MMP16: variants seen among roughly 807,000 people sequenced by gnomAD.
MMP16 encodes matrix metalloproteinase-16.
A neutral mutation model predicts 67.8 loss-of-function variants in MMP16; 12 were observed. The observed-to-expected ratio is 0.18, with a 90% confidence interval of 0.11 to 0.29. MMP16 has a LOEUF of 0.29. Ranked by LOEUF, MMP16 falls within the 10% of genes least tolerant of loss-of-function variation. The probability of loss-of-function intolerance (pLI) is 1.00; values close to 1 mark genes in which losing one functional copy is unlikely to be tolerated. For synonymous variants in MMP16, 249 were observed against 255.9 expected, an observed-to-expected ratio of 0.97 and a Z score of 0.26; for missense variants, 475 against 765.7, an observed-to-expected ratio of 0.62 and a Z score of 4.48.
chr8:88,288,745 G>A (rs904964229), intron 1 of MMP16, among the ~76,000 whole-genome samples: 5 of 152,146 alleles, frequency 3.3e-5, no homozygotes, highest in African/African-American at 9.7e-5. Context: ...TGTTTATTGT[G>A]TATCAAGATT....
At chr8:88,084,569 A>G (rs906607220) in intron 6 of MMP16, among the ~76,000 whole-genome samples, 3 of 152,056 alleles carry the variant, frequency 2.0e-5, no homozygotes, top group Non-Finnish European at 4.4e-5. Context: ...CCGTATTTAA[A>G]GATGAAATTT....
At chr8:88,322,589 G>GAA (rs892404131) in intron 1 of MMP16, among the ~76,000 whole-genome samples, 2 of 151,954 alleles carry the variant, frequency 1.3e-5, no homozygotes, top group Non-Finnish European at 2.9e-5. Flanking sequence ...AGCACTTTGG[G>GAA]AGGTCAAGGA....
At chr8:88,153,482 G>C (rs1459655322) in intron 4 of MMP16, among the ~76,000 whole-genome samples, 1 of 151,994 alleles carries the variant, frequency 6.6e-6, no homozygotes, top group Non-Finnish European at 1.5e-5. Flanking sequence ...AAGGCTACAG[G>C]AACCAAAACA....
At chr8:88,157,574 G>C (rs1457267086) in intron 4 of MMP16, among the ~76,000 whole-genome samples, 1 of 151,934 alleles carries the variant, frequency 6.6e-6, no homozygotes, top group Non-Finnish European at 1.5e-5. Flanking sequence ...GTCTCTGATA[G>C]AGTGTTTAGA....
In MMP16 at chr8:88,197,272, G is replaced by A. The variant is rs1809271383; in HGVS notation, c.167C>T (p.Thr56Ile). 3 of 1,587,190 alleles carry A rather than the reference G, an allele frequency of 1.9e-6. No individual in the cohort carries two copies. The highest frequency in any genetic ancestry group is 2.6e-6 in the Non-Finnish European group (3 of 1,167,404). Residue 56 changes from threonine (T) to isoleucine (I), a missense_variant, in exon 2 of 10, where the codon ACT (threonine) becomes ATT (isoleucine). Physicochemically the swap from Thr to Ile is moderately conservative, Grantham distance 89. Coordinates refer to ENST00000286614, the MANE Select transcript of MMP16 (RefSeq NM_005941.5). Reference sequence around the variant, plus strand: ...GCGCAGCACTGACATTCTGGGGTCAGTCGGTGGAAGGTAGCCGTACTTTTG... The same window carrying A: ...GCGCAGCACTGACATTCTGGGGTCAATCGGTGGAAGGTAGCCGTACTTTTG... Reference protein sequence around the residue: ...WLQKYGYLPPTDPRMSVLRSA... With the variant: ...WLQKYGYLPPIDPRMSVLRSA...
intron 6 of MMP16, among the ~76,000 whole-genome samples, chr8:88,077,767 T>A (rs1351855477): frequency 1.3e-5 from 2 of 152,176 alleles, no homozygotes; most frequent in African/African-American, 4.8e-5. Flanking sequence ...GTAGTTAAGA[T>A]GTTTTCTTAC....
At chr8:88,085,464 C>T (rs943341921) in intron 6 of MMP16, among the ~76,000 whole-genome samples, 1 of 151,988 alleles carries the variant, frequency 6.6e-6, no homozygotes, top group African/African-American at 2.4e-5. Flanking sequence ...CAGGGCTCAT[C>T]ACTTAAGATT....
At chr8:88,325,609 T>C (rs978091502) in intron 1 of MMP16, among the ~76,000 whole-genome samples, 1 of 152,190 alleles carries the variant, frequency 6.6e-6, no homozygotes, top group African/African-American at 2.4e-5. Context: ...CAAAAATCCA[T>C]CTGTGGCACG....
chr8:88,131,119 A>C (rs1808021165), intron 4 of MMP16, among the ~76,000 whole-genome samples: 1 of 151,732 alleles, frequency 6.6e-6, no homozygotes, highest in Non-Finnish European at 1.5e-5. Context: ...TTTAAGGTAG[A>C]CGTAATCACC....
intron 4 of MMP16, among the ~76,000 whole-genome samples, chr8:88,148,543 C>T (rs542515350): frequency 9.2e-5 from 14 of 152,262 alleles, no homozygotes; most frequent in African/African-American, 3.1e-4. Flanking sequence ...TATTTTAACG[C>T]GGGAGCTTCA....
chr8:88,099,763 T>C (rs10504850), intron 6 of MMP16, among the ~76,000 whole-genome samples: 31,970 of 151,794 alleles, frequency 0.21, 3,562 homozygotes, highest in Middle Eastern at 0.26. Flanking sequence ...AGAAAAGCAT[T>C]TCCCGATTTT....
intron 6 of MMP16, among the ~76,000 whole-genome samples, chr8:88,111,207 G>T (rs1436806376): frequency 2.0e-5 from 3 of 151,694 alleles, no homozygotes; most frequent in African/African-American, 4.8e-5. Context: ...AAGGGTAAGA[G>T]AAAAATCCAT....
intron 8 of MMP16, among the ~76,000 whole-genome samples, chr8:88,051,484 C>T (rs1254944640): frequency 6.6e-6 from 1 of 152,104 alleles, no homozygotes; most frequent in Non-Finnish European, 1.5e-5. Context: ...AAAATTTTGA[C>T]TTTAATCAGA....
chr8:88,161,858 A>G (rs1451215350), intron 4 of MMP16, among the ~76,000 whole-genome samples: 1 of 151,724 alleles, frequency 6.6e-6, no homozygotes, highest in Non-Finnish European at 1.5e-5. Flanking sequence ...CAGGCAGTTG[A>G]GTGGTTCTGA....
intron 2 of MMP16, among the ~76,000 whole-genome samples, chr8:88,193,884 T>G (rs1809209754): frequency 6.6e-6 from 1 of 151,940 alleles, no homozygotes; most frequent in Non-Finnish European, 1.5e-5. Context: ...TGCTATTTTT[T>G]TGTTTCCTTG....
chr8:88,156,703 T>C (rs1183230706), intron 4 of MMP16, among the ~76,000 whole-genome samples: 2 of 151,112 alleles, frequency 1.3e-5, no homozygotes, highest in African/African-American at 2.4e-5. Context: ...ACCAATTGGA[T>C]TTTTTTTTCA....
At chr8:88,190,045 C>A (rs1809146432) in intron 2 of MMP16, among the ~76,000 whole-genome samples, 1 of 152,150 alleles carries the variant, frequency 6.6e-6, no homozygotes, top group South Asian at 2.1e-4. Context: ...CAGCTCTGTG[C>A]TTTGAACAAA....
intron 1 of MMP16, among the ~76,000 whole-genome samples, chr8:88,274,221 T>C (rs1245328054): frequency 2.0e-5 from 3 of 152,068 alleles, no homozygotes; most frequent in African/African-American, 7.2e-5. Flanking sequence ...GCACAGGATA[T>C]ATGTATAGCT....
rs1275945878 is a variant in MMP16, at chr8:88,150,996, C to G, written c.709+16673G>C. Among the ~76,000 whole-genome samples, 16 of 141,172 alleles carry G rather than the reference C, an allele frequency of 1.1e-4. 1 individual carries two copies. Among genetic ancestry groups the G allele is most frequent in the Admixed American group, 1.0e-3 (14 of 13,666 alleles). The allele number at this position is 141,172 out of a possible 152,430, so 92.6% of individuals were successfully genotyped here. On this transcript the variant is annotated intron_variant, in intron 4 of 9. Transcript: ENST00000286614. ...TCACGTGCAGAGACACACATAGGTT[C>G]AAAATAAAAGGATGGAGGAAGATCT...
Sources: allele counts gnomAD v4.1 joint callset (sites outside exome capture counted in the v4.1 genomes callset), GRCh38; gene constraint gnomAD v4.1.1; transcripts MANE v1.5; gene names NCBI Gene and HGNC (gene_info 2026-07-23, HGNC 2026-07-21).